Variants in PTPN20 observed in about 807,000 individuals in gnomAD.
The protein encoded by PTPN20 is tyrosine-protein phosphatase non-receptor type 20.
A neutral mutation model predicts 35.0 loss-of-function variants in PTPN20; 9 were observed. That is an observed-to-expected ratio of 0.26 (90% CI 0.15 to 0.45). The LOEUF (loss-of-function observed/expected upper bound fraction) is 0.45. Among genes scored for constraint, PTPN20 ranks in the 20% least tolerant of loss-of-function variants. The pLI is 1.00. For synonymous variants in PTPN20, 32 were observed against 100.2 expected, an observed-to-expected ratio of 0.32 and a Z score of 4.06; for missense variants, 111 against 312.5, an observed-to-expected ratio of 0.36 and a Z score of 4.86.
chr10:46,994,180 G>A (rs1378126255), intron 9 of PTPN20, among the ~76,000 whole-genome samples: 1 of 151,798 alleles, frequency 6.6e-6, no homozygotes, highest in Non-Finnish European at 1.5e-5. Context: ...AGATGAATTG[G>A]AGCTCTTTTA....
At chr10:46,935,980 TTAA>T (rs1401427151) in intron 2 of PTPN20, among the ~76,000 whole-genome samples, 639 of 151,814 alleles carry the variant, frequency 4.2e-3, no homozygotes, top group African/African-American at 0.015. Context: ...TTTTTACTTT[TTAA>T]TAATAGCCTT....
At chr10:46,954,137 G>T (rs2135046064) in intron 5 of PTPN20, among the ~76,000 whole-genome samples, 3 of 102,270 alleles carry the variant, frequency 2.9e-5, no homozygotes, top group Non-Finnish European at 1.8e-5. Context: ...ATCCAAGAAT[G>T]GATCTTACAG....
intron 9 of PTPN20, among the ~76,000 whole-genome samples, chr10:46,997,035 A>G (rs2059229477): frequency 6.6e-6 from 1 of 152,210 alleles, no homozygotes; most frequent in Admixed American, 6.5e-5. Flanking sequence ...TTGGATGGAA[A>G]TTACTTTAAA....
chr10:46,994,122 A>G (rs1411624250), intron 9 of PTPN20, among the ~76,000 whole-genome samples: 5 of 151,780 alleles, frequency 3.3e-5, no homozygotes, highest in African/African-American at 1.2e-4. Flanking sequence ...TTGAAAATTT[A>G]TCCCACTTCC....
chr10:46,954,154 GGGC>G (rs1421443113), intron 5 of PTPN20, among the ~76,000 whole-genome samples: 3 of 111,724 alleles, frequency 2.7e-5, no homozygotes, highest in African/African-American at 1.3e-4. Flanking sequence ...ACAGTTCTGT[GGGC>G]TAGCAGTCAA....
Position 46,999,932 on chromosome 10 carries a change from G to T in PTPN20, c.1155G>T (p.Val385=). ...TACAGTTCAACATCATGGATATAGT[G>T]GCCCAAATGAGAGAACAACGTTCTG... The part of the protein sequence containing the change: ...KNCSFNIMDI[V]AQMREQRSGM... The change falls in exon 10 of 11, where the codon GTG becomes GTT. Residue 385 remains valine, a synonymous_variant. Coordinates refer to ENST00000374339, the MANE Select transcript of PTPN20 (RefSeq NM_001042357.5). The T allele has an allele frequency of 6.2e-7, 1 of 1,613,640 alleles. No homozygotes were observed. Among genetic ancestry groups the T allele is most frequent in the Admixed American group, 1.7e-5 (1 of 59,992 alleles).
In PTPN20 at chr10:47,000,728, T is replaced by C; in HGVS notation, c.1250T>C (p.Leu417Pro). The C allele has an allele frequency of 6.2e-7, 1 of 1,613,610 alleles. No individual in the cohort carries two copies. Among genetic ancestry groups the C allele is most frequent in the Non-Finnish European group, 8.5e-7 (1 of 1,179,592 alleles). ...GTGCTTGAAGTTCTTCGGAAACTTC[T>C]GACTTTGGATTAAGAAAGACTTCTG... ...DIVLEVLRKLLTLD is the reference protein window; with the variant it reads ...DIVLEVLRKLPTLD Residue 417 changes from leucine (L) to proline (P), a missense_variant, in exon 11 of 11, where the codon CTG becomes CCG. Physicochemically the swap from Leu to Pro is moderately conservative, Grantham distance 98 (BLOSUM62 -3). Transcript: ENST00000374339.
At chr10:46,993,659 A>T (rs577509720) in intron 9 of PTPN20, among the ~76,000 whole-genome samples, 169 of 152,330 alleles carry the variant, frequency 1.1e-3, no homozygotes, top group African/African-American at 4.0e-3. Context: ...AAAAAATTTT[A>T]AAAAAATTCT....
chr10:47,000,091 T>C, intron 10 of PTPN20, 117 bp downstream of exon 10: 1 of 1,453,318 alleles, frequency 6.9e-7, no homozygotes, highest in East Asian at 2.3e-5. Flanking sequence ...TTCCTACTGT[T>C]TGAGGTAGAC....
chr10:46,935,500 T>A (rs1304644647), intron 2 of PTPN20, among the ~76,000 whole-genome samples: 1 of 132,212 alleles, frequency 7.6e-6, no homozygotes, highest in African/African-American at 3.1e-5. Flanking sequence ...CCCGGCTAAT[T>A]TTTGTATTTT....
chr10:46,981,297 A>G (rs1156300415), intron 7 of PTPN20: 3 of 142,546 alleles, frequency 2.1e-5, no homozygotes, highest in Non-Finnish European at 4.6e-5. Flanking sequence ...CACCCCTGTC[A>G]TTGTGTCATT....
chr10:46,957,110 C>CTG (rs1474797857), intron 5 of PTPN20, among the ~76,000 whole-genome samples: 3 of 130,628 alleles, frequency 2.3e-5, no homozygotes, highest in South Asian at 2.6e-4. Flanking sequence ...TTTTTTAACT[C>CTG]TGTGTGTGTG....
chr10:46,937,368 A>G (rs2041989114), intron 2 of PTPN20, among the ~76,000 whole-genome samples: 1 of 151,844 alleles, frequency 6.6e-6, no homozygotes, highest in South Asian at 2.1e-4. Flanking sequence ...AAGCTCATAT[A>G]TTACATTTGT....
chr10:46,960,906 CT>C (rs2049855917), intron 5 of PTPN20, among the ~76,000 whole-genome samples: 1 of 134,278 alleles, frequency 7.4e-6, no homozygotes. Flanking sequence ...AAACCTCACA[CT>C]GTCCTGCTCT....
chr10:46,993,046 C>T (rs1185928769), intron 9 of PTPN20, among the ~76,000 whole-genome samples: 3 of 152,160 alleles, frequency 2.0e-5, no homozygotes, highest in East Asian at 1.9e-4. Flanking sequence ...CTGGATTTCA[C>T]AGGCAGTGTA....
In PTPN20 at chr10:46,940,150, C is replaced by T. The variant is rs1291459742; in HGVS notation, c.35-473C>T. Among the ~76,000 whole-genome samples the T allele has an allele frequency of 7.9e-3, 1,170 of 148,610 alleles. 2 individuals are homozygous for T. Among genetic ancestry groups the T allele is most frequent in the Non-Finnish European group, 0.011 (719 of 67,304 alleles). The stretch of plus-strand genomic sequence containing the variant: ...TTCATATTACATTATTCAACAAAGC[C>T]GAAAACAATTTTCTGTATAATTTAA... On this transcript the variant is annotated intron_variant, in intron 2 of 10. Coordinates refer to ENST00000374339, the MANE Select transcript of PTPN20 (RefSeq NM_001042357.5).
intron 1 of PTPN20, chr10:46,926,107 G>A: frequency 2.0e-6 from 2 of 985,416 alleles, no homozygotes; most frequent in Non-Finnish European, 2.4e-6. Context: ...AGGCATGTTG[G>A]AAGGAAAGTA....
chr10:46,940,919 A>G (rs1485940665), intron 3 of PTPN20, among the ~76,000 whole-genome samples: 13 of 151,860 alleles, frequency 8.6e-5, no homozygotes, highest in Admixed American at 6.5e-5. Context: ...GCATTTTCTA[A>G]TGCTACTCTG....
At chr10:46,993,820 T>G (rs972574511) in intron 9 of PTPN20, among the ~76,000 whole-genome samples, 1 of 152,210 alleles carries the variant, frequency 6.6e-6, no homozygotes, top group African/African-American at 2.4e-5. Context: ...AGGCATGGAT[T>G]GCACACCATC....
Sources: allele counts gnomAD v4.1 joint callset (sites outside exome capture counted in the v4.1 genomes callset), GRCh38; gene constraint gnomAD v4.1.1; transcripts MANE v1.5; gene names NCBI Gene and HGNC (gene_info 2026-07-23, HGNC 2026-07-21).